Variants in ZNF469 observed in about 807,000 individuals in gnomAD.
ZNF469 encodes the protein zinc finger protein 469.
In ZNF469, 1 loss-of-function variant was observed where a neutral mutation model predicts 1.0. That is an observed-to-expected ratio of 1.00 (90% CI 0.35 to 4.73). The LOEUF is 4.73. ZNF469 is among the 30% of genes most tolerant of loss of function. The pLI is 0.16. For synonymous variants in ZNF469, 2,703 were observed against 2,363.4 expected (o/e 1.14, Z -4.17); for missense variants, 6,100 against 5,356.3 (o/e 1.14, Z -4.33).
At chr16:88,254,320 A>T in the ZNF469 span, among the ~76,000 whole-genome samples, 1 of 152,284 alleles carries the variant, frequency 6.6e-6, no homozygotes, top group South Asian at 2.1e-4. Context: ...AGTTGTATAT[A>T]TGGGGTCTAT....
chr16:88,105,806 C>T, the ZNF469 span, among the ~76,000 whole-genome samples: 252 of 152,332 alleles, frequency 1.7e-3, no homozygotes, highest in African/African-American at 5.8e-3. Context: ...GGCACGTGTG[C>T]TACGTGGTGG....
At chr16:88,237,707 AGT>A in the ZNF469 span, among the ~76,000 whole-genome samples, 5 of 48,974 alleles carry the variant, frequency 1.0e-4, no homozygotes, top group African/African-American at 2.7e-4. Flanking sequence ...TGCTCCTGCC[AGT>A]CACCCTCCCT....
the ZNF469 span, among the ~76,000 whole-genome samples, chr16:88,303,150 G>A: frequency 3.5e-4 from 54 of 152,220 alleles, no homozygotes; most frequent in Non-Finnish European, 7.2e-4. Context: ...ATAGGAAAGT[G>A]TGAAGTTGTG....
At chr16:88,196,082 G>A in the ZNF469 span, among the ~76,000 whole-genome samples, 2 of 152,214 alleles carry the variant, frequency 1.3e-5, no homozygotes, top group Non-Finnish European at 2.9e-5. Flanking sequence ...TCTGCATTTG[G>A]ACATTGGAGT....
At chr16:88,123,643 G>A in the ZNF469 span, among the ~76,000 whole-genome samples, 80,979 of 151,568 alleles carry the variant, frequency 0.53, 24,931 homozygotes, top group Non-Finnish European at 0.68. Context: ...CCAAACCCTT[G>A]CCAAAGGGGT....
At chr16:88,369,472 C>T in the ZNF469 span, among the ~76,000 whole-genome samples, 1 of 152,326 alleles carries the variant, frequency 6.6e-6, no homozygotes, top group East Asian at 1.9e-4. Flanking sequence ...GGCACCCAAG[C>T]CACATGAGGA....
the ZNF469 span, among the ~76,000 whole-genome samples, chr16:88,372,532 A>T: frequency 6.6e-6 from 1 of 151,188 alleles, no homozygotes; most frequent in African/African-American, 2.4e-5. Flanking sequence ...CATCACTATC[A>T]CCACTATCAT....
At chr16:88,114,430 G>A in the ZNF469 span, among the ~76,000 whole-genome samples, 7 of 150,230 alleles carry the variant, frequency 4.7e-5, no homozygotes, top group South Asian at 8.5e-4. Context: ...CACTCACTGC[G>A]GGGGTCTCCG....
Position 88,439,739 on chromosome 16 carries a change from T to G in ZNF469, c.*407T>G. 3.5e-6 allele frequency: 1 copy of G among 281,916 alleles called. No individual in the cohort carries two copies. The highest frequency in any genetic ancestry group is 6.8e-6 in the Non-Finnish European group (1 of 146,776). 17.5% of individuals were successfully genotyped at this position (281,916 alleles called of 1,614,324 possible). A position where few individuals can be genotyped will look rare whatever the true frequency, so the allele number is the denominator to read the frequency against. On this transcript the variant is annotated 3_prime_UTR_variant, in exon 3 of 3. Coordinates refer to ENST00000565624, the MANE Select transcript of ZNF469 (RefSeq NM_001367624.2). Reference sequence around the variant, plus strand: ...GAAGGGAAGTAAGTTGAGGCAGCCGTGGGATGGTGGTAGGTTCCCTCTTAG... The same window carrying G: ...GAAGGGAAGTAAGTTGAGGCAGCCGGGGGATGGTGGTAGGTTCCCTCTTAG...
chr16:88,382,013 G>A (rs1014218653), upstream of ZNF469, among the ~76,000 whole-genome samples: 1 of 152,240 alleles, frequency 6.6e-6, no homozygotes, highest in African/African-American at 2.4e-5. Flanking sequence ...GGGGACCTTT[G>A]TCTGAAGGAC....
chr16:88,365,782 C>A, the ZNF469 span, among the ~76,000 whole-genome samples: 1 of 152,112 alleles, frequency 6.6e-6, no homozygotes, highest in African/African-American at 2.4e-5. Flanking sequence ...CATCTGTGGT[C>A]GGGGTAAGTG....
the ZNF469 span, among the ~76,000 whole-genome samples, chr16:88,332,827 C>T: frequency 6.6e-6 from 1 of 152,252 alleles, no homozygotes; most frequent in Non-Finnish European, 1.5e-5. Flanking sequence ...CCTCTGCAGC[C>T]AGCCTCCTCA....
At chr16:88,251,122 C>T in the ZNF469 span, among the ~76,000 whole-genome samples, 1 of 152,206 alleles carries the variant, frequency 6.6e-6, no homozygotes, top group Non-Finnish European at 1.5e-5. Context: ...AGGTGATCCA[C>T]CCGCCTCAGC....
At chr16:88,237,461 T>G in the ZNF469 span, among the ~76,000 whole-genome samples, 766 of 7,526 alleles carry the variant, frequency 0.1, 48 homozygotes, top group East Asian at 0.26. Context: ...CTCCTGCCAC[T>G]CACCCTCCCT....
At chr16:88,227,557 TC>T in the ZNF469 span, among the ~76,000 whole-genome samples, 1 of 131,698 alleles carries the variant, frequency 7.6e-6, no homozygotes, top group Non-Finnish European at 1.6e-5. Context: ...TCTCCCTGTC[TC>T]CTGGCCCCCG....
In ZNF469 at chr16:88,434,192, G is replaced by A. The variant is rs1184174025; in HGVS notation, c.6722G>A (p.Ser2241Asn). The A allele has an allele frequency of 1.3e-6, 2 of 1,550,394 alleles. No individual in the cohort carries two copies. Among genetic ancestry groups the A allele is most frequent in the Non-Finnish European group, 1.7e-6 (2 of 1,146,982 alleles). ...GTCAGTGCTGTAACCTGCACTCACA[G>A]TGGGGACACCCCCAAAGACAGCACT... ...GSVSAVTCTH[S>N]GDTPKDSTLR... Residue 2241 changes from serine (S) to asparagine (N), a missense_variant, in exon 3 of 3, where the codon AGT becomes AAT. Physicochemically the swap from Ser to Asn is conservative, Grantham distance 46 (BLOSUM62 1). Coordinates refer to ENST00000565624, the MANE Select transcript of ZNF469 (RefSeq NM_001367624.2).
chr16:88,104,419 G>A, the ZNF469 span, among the ~76,000 whole-genome samples: 1 of 151,918 alleles, frequency 6.6e-6, no homozygotes, highest in East Asian at 1.9e-4. Flanking sequence ...CCTCTCGCCG[G>A]CCCCTTGCAT....
chr16:88,172,746 T>G, the ZNF469 span, among the ~76,000 whole-genome samples: 1 of 152,196 alleles, frequency 6.6e-6, no homozygotes, highest in Non-Finnish European at 1.5e-5. Context: ...AACATGGTCA[T>G]GTAAGGAGAG....
the ZNF469 span, among the ~76,000 whole-genome samples, chr16:88,376,299 G>A: frequency 6.6e-6 from 1 of 152,126 alleles, no homozygotes; most frequent in South Asian, 2.1e-4. Context: ...ATAATTACAG[G>A]AAAAAAAATG....
Sources: gnomAD v4.1 joint callset for allele counts (sites outside exome capture counted in the v4.1 genomes callset) on GRCh38, gnomAD v4.1.1 for gene constraint, MANE v1.5 for transcripts, NCBI Gene and HGNC (gene_info 2026-07-23, HGNC 2026-07-21) for gene names.